SPRY4: variants seen among roughly 807,000 people sequenced by gnomAD.
The protein encoded by SPRY4 is protein sprouty homolog 4.
A neutral mutation model predicts 17.0 loss-of-function variants in SPRY4; 7 were observed. That is an observed-to-expected ratio of 0.41 (90% confidence interval 0.23 to 0.77). The LOEUF is 0.77. Ranked by LOEUF, SPRY4 falls within the 30% of genes least tolerant of loss-of-function variation. The pLI is 0.32. For synonymous variants in SPRY4, 183 were observed against 174.1 expected (o/e 1.05, Z -0.40); for missense variants, 435 against 419.9 (o/e 1.04, Z -0.31).
chr5:142,315,601 C>T (rs539259504), intron 1 of SPRY4: 87 of 159,464 alleles, frequency 5.5e-4, no homozygotes, highest in African/African-American at 2.1e-3. Context: ...ACACATAGCT[C>T]AGTGGATGTA....
rs1397945036 is a variant in SPRY4 at position 142,322,754 on chromosome 5, A to G, written c.-48+2090T>C. Among the ~76,000 whole-genome samples, 4 of 152,152 alleles carry G rather than the reference A, an allele frequency of 2.6e-5. No individual in the cohort carries two copies. In the East Asian group the frequency reaches 5.8e-4, roughly 22 times the overall value. On this transcript the variant is annotated intron_variant, in intron 1 of 1. Transcript: ENST00000434127. ...AAAGTCTGCTCACTGTAACTGACCA[A>G]TATTTGTCCATGAAGATTTCAGAAA...
chr5:142,314,644 G>T lies in SPRY4; in HGVS notation c.465C>A (p.His155Gln). The change falls in exon 2 of 2, where the codon CAC becomes CAA. Residue 155 changes from histidine (H) to glutamine (Q), a missense_variant. Transcript: ENST00000434127. The surrounding 1 kb of genome is among the most constrained non-coding windows in gnomAD (Gnocchi z 4.8). ...GPAVPPELDK[H>Q]FLLCEACGKC... Reference sequence around the variant, plus strand: ...TCCCACAGGCCTCGCACAGCAAGAAGTGCTTGTCCAGCTCGGGTGGGACCG... The same window carrying T: ...TCCCACAGGCCTCGCACAGCAAGAATTGCTTGTCCAGCTCGGGTGGGACCG... 1 of 1,614,236 alleles carries T rather than the reference G, an allele frequency of 6.2e-7. No individual in the cohort carries two copies. The highest frequency in any genetic ancestry group is 8.5e-7 in the Non-Finnish European group (1 of 1,180,044).
intron 1 of SPRY4, among the ~76,000 whole-genome samples, chr5:142,319,200 C>G (rs1354105858): frequency 2.6e-5 from 4 of 152,196 alleles, no homozygotes; most frequent in Non-Finnish European, 4.4e-5. Context: ...CCAGCCCTCA[C>G]GGAACATCAT....
chr5:142,312,360 T>A lies in SPRY4; in HGVS notation c.*1849A>T, dbSNP rs1355756914. 3.3e-5 allele frequency: 5 copies of A among 152,562 alleles called. No individual in the cohort carries two copies. The highest frequency in any genetic ancestry group is 7.4e-5 in the Non-Finnish European group (5 of 68,022). The allele number at this position is 152,562 out of a possible 1,614,324, so 9.5% of individuals were successfully genotyped here. A position where few individuals can be genotyped will look rare whatever the true frequency, so the allele number is the denominator to read the frequency against. On this transcript the variant is annotated 3_prime_UTR_variant, in exon 2 of 2. Coordinates refer to ENST00000434127, the MANE Select transcript of SPRY4 (RefSeq NM_001127496.3). ...TTCGCCTTTTACAAGCTAGCAAATG[T>A]TACATAAATAAAGCCGAAAATAATA... is the stretch of plus-strand genomic sequence containing the variant.
At position 142,312,740 on chromosome 5, in the gene SPRY4, C is replaced by T. The variant is rs1758968457; in HGVS notation, c.*1469G>A. Reference sequence around the variant, plus strand: ...CCAGATACACTACAGCTTTTGCATGCAACAAGTACCTACCCACTGGACGTG... The same window carrying T: ...CCAGATACACTACAGCTTTTGCATGTAACAAGTACCTACCCACTGGACGTG... On this transcript the variant is annotated 3_prime_UTR_variant, in exon 2 of 2. Transcript: ENST00000434127. The T allele has an allele frequency of 6.6e-6, 1 of 152,612 alleles. No homozygotes were observed. Among genetic ancestry groups the T allele is most frequent in the African/African-American group, 2.4e-5 (1 of 41,434 alleles). The allele number at this position is 152,612 out of a possible 1,614,324, so 9.5% of individuals were successfully genotyped here.
In SPRY4 at chr5:142,314,984, T is replaced by G; in HGVS notation, c.125A>C (p.Gln42Pro). Reference protein sequence around the residue: ...QHPLTILPIDQVKTSHVENDY... With the variant: ...QHPLTILPIDPVKTSHVENDY... ...ATTCTCCACATGGCTGGTCTTCACCTGGTCAATGGGTAGGATGGTGAGTGG... is the reference window on the plus strand; with the variant it reads ...ATTCTCCACATGGCTGGTCTTCACCGGGTCAATGGGTAGGATGGTGAGTGG... Residue 42 changes from glutamine (Q) to proline (P), a missense_variant, in exon 2 of 2, where the codon CAG (glutamine) becomes CCG (proline). Gln to Pro is a moderately conservative substitution (Grantham distance 76). Transcript: ENST00000434127. The surrounding 1 kb of genome is among the most constrained non-coding windows in gnomAD (Gnocchi z 4.8). 1 of 1,614,048 alleles carries G rather than the reference T, an allele frequency of 6.2e-7. No individual in the cohort carries two copies. The highest frequency in any genetic ancestry group is 8.5e-7 in the Non-Finnish European group (1 of 1,180,028).
chr5:142,323,279 G>A (rs925750603), intron 1 of SPRY4, among the ~76,000 whole-genome samples: 3 of 148,724 alleles, frequency 2.0e-5, no homozygotes, highest in South Asian at 2.2e-4. Context: ...GTCAGCTACA[G>A]ACACAGACGA....
chr5:142,320,765 A>G (rs1159690664), intron 1 of SPRY4, among the ~76,000 whole-genome samples: 1 of 151,828 alleles, frequency 6.6e-6, no homozygotes, highest in Non-Finnish European at 1.5e-5. Flanking sequence ...AGACACTAAG[A>G]TCTTATTATT....
At chr5:142,318,607 C>T (rs1457767118) in intron 1 of SPRY4, among the ~76,000 whole-genome samples, 2 of 152,156 alleles carry the variant, frequency 1.3e-5, no homozygotes, top group African/African-American at 4.8e-5. Context: ...ATCTTAAGTG[C>T]AATTTAATAT....
intron 1 of SPRY4, among the ~76,000 whole-genome samples, chr5:142,316,209 G>A (rs895897052): frequency 2.6e-5 from 4 of 152,048 alleles, no homozygotes; most frequent in Admixed American, 6.5e-5. Flanking sequence ...TAATTTCACC[G>A]AGAGAGTGCA....
rs996924314 is a variant in SPRY4 at position 142,311,203 on chromosome 5, T to A, written c.*3006A>T. The A allele has an allele frequency of 4.6e-5, 7 of 152,156 alleles. No homozygotes were observed. The highest frequency in any genetic ancestry group is 1.0e-4 in the Non-Finnish European group (7 of 68,040). 9.4% of individuals were successfully genotyped at this position (152,156 alleles called of 1,614,324 possible). A position where few individuals can be genotyped will look rare whatever the true frequency, so the allele number is the denominator to read the frequency against. On this transcript the variant is annotated 3_prime_UTR_variant, in exon 2 of 2. Transcript: ENST00000434127. ...AGGAAAGCCTTAGTTGTGCCCAATC[T>A]TTTCTCTGGGAGGGCTTTGCTACCC... is the stretch of plus-strand genomic sequence containing the variant.
In SPRY4 at chr5:142,312,335, T is replaced by C. The variant is rs1025136708; in HGVS notation, c.*1874A>G. 1.3e-5 allele frequency: 2 copies of C among 152,656 alleles called. No homozygotes were observed. The highest frequency in any genetic ancestry group is 4.8e-5 in the African/African-American group (2 of 41,454). 9.5% of individuals were successfully genotyped at this position (152,656 alleles called of 1,614,324 possible). A position where few individuals can be genotyped will look rare whatever the true frequency, so the allele number is the denominator to read the frequency against. Reference sequence around the variant, plus strand: ...GAAAATGCAGATGCAATATTTCACATTCGCCTTTTACAAGCTAGCAAATGT... The same window carrying C: ...GAAAATGCAGATGCAATATTTCACACTCGCCTTTTACAAGCTAGCAAATGT... On this transcript the variant is annotated 3_prime_UTR_variant, in exon 2 of 2. Coordinates refer to ENST00000434127, the MANE Select transcript of SPRY4 (RefSeq NM_001127496.3).
At position 142,314,956 on chromosome 5, in the gene SPRY4, G is replaced by C. The variant is rs1206256726; in HGVS notation, c.153C>G (p.Asp51Glu). 6.2e-7 allele frequency: 1 copy of C among 1,614,142 alleles called. No homozygotes were observed. The highest frequency in any genetic ancestry group is 1.1e-5 in the South Asian group (1 of 91,080). ...GGGCCAGGCTAGGGTTGTCTATGTAGTCATTCTCCACATGGCTGGTCTTCA... is the reference window on the plus strand; with the variant it reads ...GGGCCAGGCTAGGGTTGTCTATGTACTCATTCTCCACATGGCTGGTCTTCA... ...DQVKTSHVEN[D>E]YIDNPSLALT... Residue 51 changes from aspartate to glutamate, a missense_variant, in exon 2 of 2, where the codon GAC becomes GAG. By Grantham distance (45) the Asp-to-Glu change is conservative (BLOSUM62 2). Transcript: ENST00000434127. This position sits in a 1 kb window ranked among gnomAD's most constrained non-coding sequence, Gnocchi z 4.8.
intron 1 of SPRY4, chr5:142,317,561 T>C (rs932276188): frequency 9.1e-6 from 9 of 985,138 alleles, no homozygotes; most frequent in African/African-American, 7.0e-5. Flanking sequence ...AGGACCAGGA[T>C]TGGGTCTGGT....
rs555821944 is a variant in SPRY4, at chr5:142,317,422, C to T, written c.-47-2267G>A. On this transcript the variant is annotated intron_variant, in intron 1 of 1. Transcript: ENST00000434127. ...TCTCCAGCACCAGCCAGAACCCTCA[C>T]CCCCGGACAATGATAACATGAGTCC... 2,097 of 985,336 alleles carry T rather than the reference C, an allele frequency of 2.1e-3. 5 individuals are homozygous for T. Among genetic ancestry groups the T allele is most frequent in the Non-Finnish European group, 2.1e-3 (1,759 of 829,908 alleles). 61.0% of individuals were successfully genotyped at this position (985,336 alleles called of 1,614,324 possible).
chr5:142,322,998 T>C (rs184816342), intron 1 of SPRY4, among the ~76,000 whole-genome samples: 1 of 149,478 alleles, frequency 6.7e-6, no homozygotes, highest in African/African-American at 2.5e-5. Context: ...GAGAAATCTT[T>C]AACTGCAGCC....
At chr5:142,317,164 A>G (rs988302456) in intron 1 of SPRY4, 3 of 985,474 alleles carry the variant, frequency 3.0e-6, no homozygotes, top group East Asian at 2.3e-4. Context: ...GCAAGTAAGC[A>G]TCTATGGAGA....
intron 1 of SPRY4, chr5:142,318,237 C>G: frequency 2.1e-6 from 2 of 967,240 alleles, no homozygotes; most frequent in Non-Finnish European, 2.5e-6. Context: ...GTAATCTCAG[C>G]CTTTTGGGAG....
In SPRY4 at chr5:142,312,269, C is replaced by T. The variant is rs780143132; in HGVS notation, c.*1940G>A. On this transcript the variant is annotated 3_prime_UTR_variant, in exon 2 of 2. Transcript: ENST00000434127. Reference sequence around the variant, plus strand: ...AAATGTTCAAGAACATCCATACATCCGTCACAACTGTGGCAAGGGTAGCTA... The same window carrying T: ...AAATGTTCAAGAACATCCATACATCTGTCACAACTGTGGCAAGGGTAGCTA... 6.6e-6 allele frequency: 1 copy of T among 152,548 alleles called. No homozygotes were observed. Among genetic ancestry groups the T allele is most frequent in the Non-Finnish European group, 1.5e-5 (1 of 68,026 alleles). 9.4% of individuals were successfully genotyped at this position (152,548 alleles called of 1,614,324 possible).
Sources: gnomAD v4.1 joint callset for allele counts (sites outside exome capture counted in the v4.1 genomes callset) on GRCh38, gnomAD v4.1.1 for gene constraint, Gnocchi (gnomAD v3.1) non-coding constraint, MANE v1.5 for transcripts, NCBI Gene and HGNC (gene_info 2026-07-23, HGNC 2026-07-21) for gene names.